NEK1: variants seen among roughly 807,000 people sequenced by gnomAD.
The protein encoded by NEK1 is NIMA related kinase 1.
Under a neutral mutation model 182.1 loss-of-function variants are expected in NEK1, and 137 were observed. The observed-to-expected ratio is 0.75, with a 90% CI of 0.65 to 0.87. The LOEUF is 0.87. Ranked by LOEUF, NEK1 falls within the 40% of genes least tolerant of loss-of-function variation. The pLI, the probability that NEK1 is intolerant of heterozygous loss-of-function variation, is 0.00. For synonymous variants in NEK1, 513 were observed against 492.2 expected, an observed-to-expected ratio of 1.04 and a Z score of -0.56; for missense variants, 1,391 against 1,494.4, an observed-to-expected ratio of 0.93 and a Z score of 1.14.
intron 12 of NEK1, among the ~76,000 whole-genome samples, chr4:169,570,890 T>A (rs1764699669): frequency 6.6e-6 from 1 of 152,194 alleles, no homozygotes; most frequent in African/African-American, 2.4e-5. Flanking sequence ...CCCAACCCAG[T>A]GCTCTCTGAA....
At chr4:169,418,809 G>A (rs1734968622) in intron 31 of NEK1, among the ~76,000 whole-genome samples, 1 of 152,038 alleles carries the variant, frequency 6.6e-6, no homozygotes, top group African/African-American at 2.4e-5. Context: ...GTAGTAGAGA[G>A]AGAGAAAAAA....
intron 35 of NEK1, among the ~76,000 whole-genome samples, chr4:169,397,259 A>C (rs1403126995): frequency 6.6e-6 from 1 of 151,960 alleles, no homozygotes; most frequent in African/African-American, 2.4e-5. Context: ...AAAACTCCCC[A>C]AATCAAAAAG....
rs1467180918 is a variant in NEK1 at position 169,589,337 on chromosome 4, C to T, written c.464+110G>A. ...AGAACATGTCCCAATAAAGCAACAT[C>T]CCAGTAAAGAATGTACTTAAAGATA... On this transcript the variant is annotated intron_variant, in intron 7 of 35. Coordinates refer to ENST00000507142, the MANE Select transcript of NEK1 (RefSeq NM_001199397.3). The T allele has an allele frequency of 7.1e-6, 5 of 700,516 alleles. No individual in the cohort carries two copies. The African/African-American group carries it at 9.3e-5, about 13-fold the overall frequency. 43.4% of individuals were successfully genotyped at this position (700,516 alleles called of 1,614,324 possible). A position where few individuals can be genotyped will look rare whatever the true frequency, so the allele number is the denominator to read the frequency against.
intron 5 of NEK1, among the ~76,000 whole-genome samples, chr4:169,595,910 C>A (rs1242844132): frequency 8.6e-6 from 1 of 116,912 alleles, no homozygotes; most frequent in Non-Finnish European, 1.7e-5. Flanking sequence ...GGGACAGAGC[C>A]AGACTCCACC....
chr4:169,507,491 T>C (rs115793876), intron 22 of NEK1, among the ~76,000 whole-genome samples: 7 of 152,302 alleles, frequency 4.6e-5, no homozygotes, highest in Non-Finnish European at 7.4e-5. Flanking sequence ...AGATTACTTA[T>C]ATGATAGTTT....
chr4:169,508,400 T>G (rs949854265), intron 20 of NEK1, 69 bp from the exon 21 acceptor site: 120 of 1,287,344 alleles, frequency 9.3e-5, no homozygotes, highest in Non-Finnish European at 1.2e-4. Context: ...ACTGCTAGAT[T>G]TTTTTTAAAT....
chr4:169,491,162 A>AAAAAAAAGAG (rs1554047307), intron 23 of NEK1, among the ~76,000 whole-genome samples: 5 of 122,922 alleles, frequency 4.1e-5, no homozygotes, highest in East Asian at 2.4e-4. Context: ...AAAAAAAAAA[A>AAAAAAAAGAG]AGAGAGATGG....
intron 31 of NEK1, among the ~76,000 whole-genome samples, chr4:169,416,433 C>A (rs537064554): frequency 6.6e-6 from 1 of 152,164 alleles, no homozygotes; most frequent in African/African-American, 2.4e-5. Flanking sequence ...AAGGTAAATA[C>A]AAAAGTCTTC....
At chr4:169,563,294 G>C (rs1352149933) in intron 12 of NEK1, among the ~76,000 whole-genome samples, 1 of 151,802 alleles carries the variant, frequency 6.6e-6, no homozygotes, top group Non-Finnish European at 1.5e-5. Context: ...CCAGGAGGTA[G>C]AGGCTACCAT....
chr4:169,611,394 T>A (rs1772304031), intron 2 of NEK1, among the ~76,000 whole-genome samples: 1 of 152,202 alleles, frequency 6.6e-6, no homozygotes, highest in Non-Finnish European at 1.5e-5. Flanking sequence ...AAGGAGTTAC[T>A]TCTCTCCAAA....
intron 28 of NEK1, among the ~76,000 whole-genome samples, chr4:169,436,016 AC>A (rs1257929916): frequency 1.3e-5 from 2 of 152,070 alleles, no homozygotes; most frequent in Admixed American, 1.3e-4. Flanking sequence ...TGATTCTCCC[AC>A]CTCAGCCTCC....
In NEK1 at chr4:169,426,226, T is replaced by C; in HGVS notation, c.2894A>G (p.Asp965Gly). 1 of 1,613,004 alleles carries C rather than the reference T, an allele frequency of 6.2e-7. No individual in the cohort carries two copies. Among genetic ancestry groups the C allele is most frequent in the Non-Finnish European group, 8.5e-7 (1 of 1,179,508 alleles). The change falls in exon 30 of 36, where the codon GAT (aspartate) becomes GGT (glycine). Residue 965 changes from aspartate to glycine, a missense_variant. By Grantham distance (94) the Asp-to-Gly change is moderately conservative. Transcript: ENST00000507142. ...TTCATTTTCCTGAATGGTGATCCTA[T>C]CTGCCGACCTGCCACAGATGGGTAC... is the stretch of plus-strand genomic sequence containing the variant. ...EKETKETQSA[D>G]RITIQENEVS...
chr4:169,430,476 G>A (rs536318729), intron 29 of NEK1, among the ~76,000 whole-genome samples: 7 of 152,120 alleles, frequency 4.6e-5, no homozygotes, highest in African/African-American at 1.4e-4. Context: ...TAAGCCACTG[G>A]GCACATACTG....
At chr4:169,413,638 A>T (rs932292059) in intron 31 of NEK1, among the ~76,000 whole-genome samples, 3 of 152,210 alleles carry the variant, frequency 2.0e-5, no homozygotes, top group Non-Finnish European at 4.4e-5. Context: ...ACCTCATGTC[A>T]CTAATACGTC....
intron 26 of NEK1, among the ~76,000 whole-genome samples, chr4:169,474,909 T>C (rs1391693385): frequency 1.3e-5 from 2 of 152,162 alleles, no homozygotes; most frequent in African/African-American, 2.4e-5. Flanking sequence ...CTTATTAAGA[T>C]GGTATAGAGT....
At chr4:169,420,990 G>A (rs983891683) in intron 31 of NEK1, among the ~76,000 whole-genome samples, 1 of 152,100 alleles carries the variant, frequency 6.6e-6, no homozygotes, top group Non-Finnish European at 1.5e-5. Flanking sequence ...AATATAAAAT[G>A]TTTGGTTAAG....
At position 169,577,044 on chromosome 4, in the gene NEK1, C is replaced by T. The variant is rs1765798153; in HGVS notation, c.904G>A (p.Val302Ile). ...TTTGTAATTTTCTGAGCAGGCATAA[C>T]AGAAATCGAGTTTTGTCCTGAAGCT... is the stretch of plus-strand genomic sequence containing the variant. The part of the protein sequence containing the change: ...RPASGQNSIS[V>I]MPAQKITKPA... The change falls in exon 12 of 36, where the codon GTT (valine) becomes ATT (isoleucine). Residue 302 changes from valine to isoleucine, a missense_variant. Val to Ile is a conservative substitution (Grantham distance 29, BLOSUM62 3). This residue lies in a region of NEK1 where 1,216 missense variants were observed against 1,277.6 expected (regional missense o/e 0.95). Transcript: ENST00000507142. 1 of 1,613,502 alleles carries T rather than the reference C, an allele frequency of 6.2e-7. No individual in the cohort carries two copies. Among genetic ancestry groups the T allele is most frequent in the Middle Eastern group, 1.7e-4 (1 of 6,054 alleles).
chr4:169,510,071 T>C (rs1206835991), intron 19 of NEK1, among the ~76,000 whole-genome samples: 2 of 152,200 alleles, frequency 1.3e-5, no homozygotes, highest in Non-Finnish European at 2.9e-5. Context: ...TCAGTATTTA[T>C]AATGGCACTC....
intron 19 of NEK1, among the ~76,000 whole-genome samples, chr4:169,535,496 G>C (rs1758332128): frequency 3.3e-5 from 5 of 151,962 alleles, no homozygotes; most frequent in Admixed American, 2.0e-4. Context: ...AGCATCATCA[G>C]TGAATGGTTA....
Sources: gnomAD v4.1 joint callset for allele counts (sites outside exome capture counted in the v4.1 genomes callset) on GRCh38, gnomAD v4.1.1 for gene constraint, gnomAD v4.1.1 regional missense constraint, MANE v1.5 for transcripts, NCBI Gene and HGNC (gene_info 2026-07-23, HGNC 2026-07-21) for gene names.